Variants in ABCA12 observed in about 807,000 individuals in gnomAD.
ABCA12 encodes glucosylceramide transporter ABCA12.
Under a neutral mutation model 293.5 loss-of-function variants are expected in ABCA12, and 156 were observed. The ratio of observed to expected loss-of-function variants is 0.53; its 90% CI spans 0.47 to 0.61. ABCA12 has a LOEUF of 0.61. Ranked by LOEUF, ABCA12 falls within the 20% of genes least tolerant of loss-of-function variation. The probability of loss-of-function intolerance (pLI) is 0.00; values close to 1 mark genes in which losing one functional copy is unlikely to be tolerated. For synonymous variants in ABCA12, 1,063 were observed against 1,108.0 expected, an observed-to-expected ratio of 0.96 and a Z score of 0.81; for missense variants, 2,797 against 3,090.2, an observed-to-expected ratio of 0.91 and a Z score of 2.25.
chr2:215,063,699 CAGG>C (rs1701581241), intron 3 of ABCA12, among the ~76,000 whole-genome samples: 1 of 151,824 alleles, frequency 6.6e-6, no homozygotes, highest in African/African-American at 2.4e-5. Flanking sequence ...GTGATTCTTC[CAGG>C]ATGATGGCCC....
In ABCA12 at chr2:215,134,620, G is replaced by GAGAGAGAGAGAGAGACAAAC. The variant is rs1553551025; in HGVS notation, c.69+3519_69+3520insGTTTGTCTCTCTCTCTCTCT. On this transcript the variant is annotated intron_variant, in intron 1 of 52. Transcript: ENST00000272895. ...CTCTCTATATATATATATATATAGAGAGAGAGAGAGAGAGAGAGAGACAAA... is the reference window on the plus strand; with the variant it reads ...CTCTCTATATATATATATATATAGAGAGAGAGAGAGAGAGACAAACAGAGAGAGAGAGAGAGAGAGACAAA... Among the ~76,000 whole-genome samples the GAGAGAGAGAGAGAGACAAAC allele has an allele frequency of 4.2e-3, 390 of 93,372 alleles. 22 individuals carry two copies. Among genetic ancestry groups the GAGAGAGAGAGAGAGACAAAC allele is most frequent in the African/African-American group, 0.025 (369 of 14,850 alleles). 61.3% of individuals were successfully genotyped at this position (93,372 alleles called of 152,430 possible). A position where few individuals can be genotyped will look rare whatever the true frequency, so the allele number is the denominator to read the frequency against.
chr2:214,975,243 C>T (rs764866738), intron 34 of ABCA12, among the ~76,000 whole-genome samples: 2 of 152,070 alleles, frequency 1.3e-5, no homozygotes, highest in Non-Finnish European at 1.5e-5. Flanking sequence ...GGATTACAGG[C>T]GTGAGCCACG....
chr2:214,978,770 A>G (rs541065296), intron 32 of ABCA12, 34 bp downstream of exon 32: 2 of 1,596,530 alleles, frequency 1.3e-6, no homozygotes, highest in Admixed American at 1.7e-5. Flanking sequence ...AAGTTATATC[A>G]GCTTGAAGAA....
At chr2:215,083,582 T>C (rs1701984468) in intron 2 of ABCA12, among the ~76,000 whole-genome samples, 1 of 152,170 alleles carries the variant, frequency 6.6e-6, no homozygotes, top group African/African-American at 2.4e-5. Context: ...TTAACCACAC[T>C]AAGTTTCTTT....
intron 38 of ABCA12, among the ~76,000 whole-genome samples, chr2:214,967,893 A>G (rs1699300440): frequency 6.6e-6 from 1 of 152,136 alleles, no homozygotes; most frequent in Non-Finnish European, 1.5e-5. Flanking sequence ...GACAATTTTA[A>G]ATCCCTATGA....
At chr2:214,987,873 A>G in intron 26 of ABCA12, 80 bp from the exon 27 acceptor site, 2 of 1,535,386 alleles carry the variant, frequency 1.3e-6, no homozygotes. Context: ...AGTAGATCCT[A>G]TGTATGGTTT....
chr2:214,963,804 C>A (rs932492263), intron 39 of ABCA12, among the ~76,000 whole-genome samples: 2 of 151,286 alleles, frequency 1.3e-5, no homozygotes, highest in Non-Finnish European at 2.9e-5. Flanking sequence ...CCTGTAATCC[C>A]ACCTACTTGG....
At chr2:215,134,203 C>A (rs73076542) in intron 1 of ABCA12, among the ~76,000 whole-genome samples, 3 of 148,122 alleles carry the variant, frequency 2.0e-5, no homozygotes, top group Non-Finnish European at 4.4e-5. Context: ...GTTTGTAATT[C>A]TCTTCTCATT....
In ABCA12 at chr2:215,111,610, A is replaced by G; in HGVS notation, c.150T>C (p.Thr50=). ...TCATTTACTTACAAGTTGGTTTTGC[A>G]GTTGGAGGAAATTTGGTCCGAGTAA... ...LAITRTKFPP[T]AKPTCYLAPR... is the part of the protein sequence containing the mutation. The change falls in exon 2 of 53, where the codon ACT becomes ACC. Residue 50 remains threonine, a synonymous_variant. Coordinates refer to ENST00000272895, the MANE Select transcript of ABCA12 (RefSeq NM_173076.3). The G allele has an allele frequency of 6.2e-7, 1 of 1,611,018 alleles. No individual in the cohort carries two copies. Among genetic ancestry groups the G allele is most frequent in the Non-Finnish European group, 8.5e-7 (1 of 1,177,552 alleles).
chr2:214,974,979 T>C, intron 34 of ABCA12, 115 bp from the exon 35 acceptor site: 7 of 973,034 alleles, frequency 7.2e-6, no homozygotes, highest in Non-Finnish European at 1.1e-5. Context: ...TTTTTCTTTT[T>C]TGAGACAGAG....
chr2:214,955,715 G>A (rs1698926408), intron 42 of ABCA12, among the ~76,000 whole-genome samples: 1 of 152,082 alleles, frequency 6.6e-6, no homozygotes, highest in Non-Finnish European at 1.5e-5. Context: ...CAATTTAGAT[G>A]GGCTTCCAAA....
intron 50 of ABCA12, among the ~76,000 whole-genome samples, chr2:214,940,886 T>C (rs902951564): frequency 1.3e-5 from 2 of 152,136 alleles, no homozygotes; most frequent in Admixed American, 1.3e-4. Flanking sequence ...TGGCTAGTGG[T>C]CTACTTTGGT....
intron 1 of ABCA12, among the ~76,000 whole-genome samples, chr2:215,125,153 T>C (rs552723974): frequency 2.0e-4 from 31 of 152,334 alleles, no homozygotes; most frequent in Non-Finnish European, 1.3e-4. Flanking sequence ...TTCTGTTCCA[T>C]TGGTCTATGT....
At chr2:214,970,087 T>C (rs1699352701) in intron 37 of ABCA12, among the ~76,000 whole-genome samples, 186 bp downstream of exon 37, 3 of 152,090 alleles carry the variant, frequency 2.0e-5, no homozygotes, top group African/African-American at 7.2e-5. Context: ...TGGTTTTCCA[T>C]TTGCTCAAAT....
intron 50 of ABCA12, among the ~76,000 whole-genome samples, chr2:214,939,642 A>C (rs1574922537): frequency 6.6e-6 from 1 of 152,064 alleles, no homozygotes. Context: ...TATTTCCTTG[A>C]GCAGTGGTTT....
chr2:214,989,665 T>C (rs753181540), intron 24 of ABCA12, 44 bp from the exon 25 acceptor site: 16 of 1,603,984 alleles, frequency 1.0e-5, no homozygotes, highest in Admixed American at 1.7e-5. Flanking sequence ...GTAGATTTCA[T>C]GTATTTCACC....
At chr2:215,050,882 G>A (rs1366858798) in intron 5 of ABCA12, 2 of 869,686 alleles carry the variant, frequency 2.3e-6, no homozygotes, top group East Asian at 2.4e-4. Flanking sequence ...GCTGACATAG[G>A]CATCAATATA....
At chr2:215,083,099 C>T (rs1701974133) in intron 2 of ABCA12, among the ~76,000 whole-genome samples, 2 of 152,302 alleles carry the variant, frequency 1.3e-5, no homozygotes, top group African/African-American at 4.8e-5. Context: ...AAAACCTCTT[C>T]CCTAACTTGG....
intron 1 of ABCA12, among the ~76,000 whole-genome samples, chr2:215,120,035 T>G (rs1195392885): frequency 6.6e-6 from 1 of 152,080 alleles, no homozygotes; most frequent in Admixed American, 6.6e-5. Flanking sequence ...AATGGTGAAT[T>G]GGATAAAGAA....
Sources: gnomAD v4.1 joint callset for allele counts (sites outside exome capture counted in the v4.1 genomes callset) on GRCh38, gnomAD v4.1.1 for gene constraint, MANE v1.5 for transcripts, NCBI Gene and HGNC (gene_info 2026-07-23, HGNC 2026-07-21) for gene names.